The following BOLA3 variants were observed in gnomAD, a reference collection of about 807,000 sequenced individuals.
BOLA3 encodes bolA-like protein 3.
In BOLA3, 8 loss-of-function variants were observed where a neutral mutation model predicts 14.5. The ratio of observed to expected loss-of-function variants is 0.55; its 90% CI spans 0.32 to 0.99. The LOEUF is 0.99. BOLA3 is among the 50% of genes least tolerant of loss of function. The pLI is 0.04. For missense variants in BOLA3, 115 were observed against 138.2 expected (o/e 0.83, Z 0.84); for synonymous variants, 42 against 45.7 (o/e 0.92, Z 0.33).
chr2:74,147,439 G>T, intron 1 of BOLA3: 1 of 300,966 alleles, frequency 3.3e-6, no homozygotes, highest in Non-Finnish European at 6.2e-6. Context: ...ACCTTCCCAA[G>T]GCCCCGGCCC....
intron 3 of BOLA3, among the ~76,000 whole-genome samples, chr2:74,140,512 G>A (rs1364789537): frequency 1.3e-5 from 2 of 152,212 alleles, no homozygotes; most frequent in Non-Finnish European, 2.9e-5. Flanking sequence ...CCGTCCTGCA[G>A]TAAGCCTGCT....
chr2:74,145,723 C>T lies in BOLA3; in HGVS notation c.55-420G>A, dbSNP rs183114416. ...GATAGCCTGCCTCAGATCCATACCA[C>T]TAGGCCATCCACTGCCCTGGATGGT... On this transcript the variant is annotated intron_variant, in intron 1 of 3. Coordinates refer to ENST00000327428, the MANE Select transcript of BOLA3 (RefSeq NM_212552.3). 84 of 280,120 alleles carry T rather than the reference C, an allele frequency of 3.0e-4. 1 individual carries two copies. In the East Asian group the frequency reaches 7.4e-3, roughly 25 times the overall value. The allele number at this position is 280,120 out of a possible 1,614,324, so 17.4% of individuals were successfully genotyped here.
At chr2:74,136,396 G>A (rs1211670117) in intron 3 of BOLA3, among the ~76,000 whole-genome samples, 1 of 152,180 alleles carries the variant, frequency 6.6e-6, no homozygotes, top group Non-Finnish European at 1.5e-5. Context: ...CACGGCCCAT[G>A]ACAGCTTTGA....
intron 3 of BOLA3, among the ~76,000 whole-genome samples, chr2:74,136,732 T>A (rs776066174): frequency 1.3e-5 from 2 of 152,236 alleles, no homozygotes; most frequent in Non-Finnish European, 2.9e-5. Context: ...TTAGGCTGTT[T>A]CCTGTGTTTT....
chr2:74,140,640 C>T lies in BOLA3; in HGVS notation c.258+1632G>A, dbSNP rs561141112. Among the ~76,000 whole-genome samples, 3 of 152,320 alleles carry T rather than the reference C, an allele frequency of 2.0e-5. No homozygotes were observed. The East Asian group carries it at 5.8e-4, about 29-fold the overall frequency. On this transcript the variant is annotated intron_variant, in intron 3 of 3. Coordinates refer to ENST00000327428, the MANE Select transcript of BOLA3 (RefSeq NM_212552.3). ...AATCCCAAGACCGTGAGGTGACACTCCCCCAAACTGTGGGAATCACAGCCC... is the reference window on the plus strand; with the variant it reads ...AATCCCAAGACCGTGAGGTGACACTTCCCCAAACTGTGGGAATCACAGCCC...
intron 2 of BOLA3, 29 bp downstream of exon 2, chr2:74,145,160 C>T (rs747413241): frequency 1.3e-5 from 17 of 1,264,506 alleles, no homozygotes; most frequent in Middle Eastern, 2.3e-4. Context: ...CTTATCCAAG[C>T]GCCGTAGGAA....
intron 2 of BOLA3, 64 bp downstream of exon 2, chr2:74,145,125 C>A: frequency 1.1e-6 from 1 of 903,302 alleles, no homozygotes; most frequent in Non-Finnish European, 1.9e-6. Context: ...AGCCCCTGAC[C>A]CTCTGTCCTT....
At chr2:74,141,160 C>T (rs963155553) in intron 3 of BOLA3, among the ~76,000 whole-genome samples, 3 of 152,152 alleles carry the variant, frequency 2.0e-5, no homozygotes, top group Non-Finnish European at 2.9e-5. Flanking sequence ...CAAGAGTTTC[C>T]GGGAGGGCTC....
rs571996772 is a variant in BOLA3 at position 74,135,771 on chromosome 2, G to A, written c.259-113C>T. On this transcript the variant is annotated intron_variant, in intron 3 of 3. Coordinates refer to ENST00000327428, the MANE Select transcript of BOLA3 (RefSeq NM_212552.3). Reference sequence around the variant, plus strand: ...CTGAAGGAGACTTTGTATGTGCTTTGTTTAAGCAATTTTTCCTTTTTTTGA... The same window carrying A: ...CTGAAGGAGACTTTGTATGTGCTTTATTTAAGCAATTTTTCCTTTTTTTGA... 3.0e-3 allele frequency: 2,450 copies of A among 821,686 alleles called. 8 individuals are homozygous for A. The highest frequency in any genetic ancestry group is 4.4e-3 in the Non-Finnish European group (2,144 of 492,084). The allele number at this position is 821,686 out of a possible 1,614,324, so 50.9% of individuals were successfully genotyped here.
At chr2:74,141,787 A>G (rs1692442099) in intron 3 of BOLA3, among the ~76,000 whole-genome samples, 1 of 152,146 alleles carries the variant, frequency 6.6e-6, no homozygotes, top group Non-Finnish European at 1.5e-5. Flanking sequence ...AATATGGATA[A>G]TATTTAAACT....
At position 74,135,440 on chromosome 2, in the gene BOLA3, A is replaced by G; in HGVS notation, c.*153T>C. ...TTCAGTTGTTTGTTTCCTTTAATTA[A>G]CATCTAAATAGATTATACATCTTCT... is the stretch of plus-strand genomic sequence containing the variant. On this transcript the variant is annotated 3_prime_UTR_variant, in exon 4 of 4. Transcript: ENST00000327428. 1 of 1,212,316 alleles carries G rather than the reference A, an allele frequency of 8.2e-7. No homozygotes were observed. The highest frequency in any genetic ancestry group is 1.2e-6 in the Non-Finnish European group (1 of 833,390). 75.1% of individuals were successfully genotyped at this position (1,212,316 alleles called of 1,614,324 possible).
In BOLA3 at chr2:74,135,589, G is replaced by A. The variant is rs191936501; in HGVS notation, c.*4C>T. ...GCAGCAGCATCTATGCAGCCAGGGC[G>A]TGGTCAGCGTTTGGGGACAGAGGTA... On this transcript the variant is annotated 3_prime_UTR_variant, in exon 4 of 4. Coordinates refer to ENST00000327428, the MANE Select transcript of BOLA3 (RefSeq NM_212552.3). 36 of 1,614,028 alleles carry A rather than the reference G, an allele frequency of 2.2e-5. No homozygotes were observed. The highest frequency in any genetic ancestry group is 3.3e-4 in the Middle Eastern group (2 of 6,034).
chr2:74,140,978 G>T (rs577618400), intron 3 of BOLA3, among the ~76,000 whole-genome samples: 2 of 152,302 alleles, frequency 1.3e-5, no homozygotes, highest in South Asian at 4.1e-4. Context: ...GTGGTTTCAG[G>T]CCAAGGGACA....
At position 74,142,309 on chromosome 2, in the gene BOLA3, T is replaced by A; in HGVS notation, c.221A>T (p.Glu74Val). 1 of 1,614,040 alleles carries A rather than the reference T, an allele frequency of 6.2e-7. No individual in the cohort carries two copies. Among genetic ancestry groups the A allele is most frequent in the South Asian group, 1.1e-5 (1 of 91,080 alleles). The change falls in exon 3 of 4, where the codon GAG becomes GTG. Residue 74 changes from glutamate (E) to valine (V), a missense_variant. Coordinates refer to ENST00000327428, the MANE Select transcript of BOLA3 (RefSeq NM_212552.3). Reference protein sequence around the residue: ...EIKIESEEFKEKRTVQQHQMV... With the variant: ...EIKIESEEFKVKRTVQQHQMV... ...CTGGTGCTGCTGGACAGTTCTCTTC[T>A]CCTTAAATTCTTCTGATTCAATTTT...
At chr2:74,140,114 T>C (rs562495582) in intron 3 of BOLA3, among the ~76,000 whole-genome samples, 25 of 152,230 alleles carry the variant, frequency 1.6e-4, no homozygotes, top group African/African-American at 5.5e-4. Flanking sequence ...TGAAACCCCA[T>C]CTCTACTAAA....
At chr2:74,142,783 T>C (rs1342817256) in intron 2 of BOLA3, among the ~76,000 whole-genome samples, 1 of 152,156 alleles carries the variant, frequency 6.6e-6, no homozygotes, top group East Asian at 1.9e-4. Flanking sequence ...TACAATTTGG[T>C]TTGAAAACTG....
chr2:74,145,383 G>A, intron 1 of BOLA3, 80 bp from the exon 2 acceptor site: 1 of 877,848 alleles, frequency 1.1e-6, no homozygotes, highest in East Asian at 2.4e-5. Context: ...AGGCCCGCCT[G>A]CCATTCCCCC....
At chr2:74,139,332 T>G (rs860455) in intron 3 of BOLA3, among the ~76,000 whole-genome samples, 92,700 of 151,876 alleles carry the variant, frequency 0.61, 29,259 homozygotes, top group African/African-American at 0.77. Flanking sequence ...CTTCACCCCG[T>G]CAGGACACCA....
At chr2:74,145,553 G>C (rs1019833711) in intron 1 of BOLA3, 5 of 535,876 alleles carry the variant, frequency 9.3e-6, no homozygotes, top group Non-Finnish European at 1.7e-5. Flanking sequence ...CCAGAGACAA[G>C]AGGCCCCAAA....
Sources: gnomAD v4.1 joint callset for allele counts (sites outside exome capture counted in the v4.1 genomes callset) on GRCh38, gnomAD v4.1.1 for gene constraint, MANE v1.5 for transcripts, NCBI Gene and HGNC (gene_info 2026-07-23, HGNC 2026-07-21) for gene names.